ARHGAP15: variants seen among roughly 807,000 people sequenced by gnomAD.
ARHGAP15 encodes Rho GTPase activating protein 15.
Under a neutral mutation model 63.7 loss-of-function variants are expected in ARHGAP15, and 51 were observed. The observed-to-expected ratio is 0.80, with a 90% CI of 0.64 to 1.01. The LOEUF (loss-of-function observed/expected upper bound fraction) is 1.01, where lower values mean the gene tolerates loss of function less well. Among genes scored for constraint, ARHGAP15 ranks in the 50% least tolerant of loss-of-function variants. The pLI is 0.00. For synonymous variants in ARHGAP15, 191 were observed against 193.8 expected (o/e 0.99, Z 0.12); for missense variants, 560 against 564.6 (o/e 0.99, Z 0.08).
intron 4 of ARHGAP15, among the ~76,000 whole-genome samples, chr2:143,223,595 A>C (rs1318755418): frequency 6.6e-6 from 1 of 152,204 alleles, no homozygotes; most frequent in East Asian, 1.9e-4. Flanking sequence ...GGGGTGGAAG[A>C]CAGGGATAAA....
chr2:143,372,175 C>A (rs145130238), intron 6 of ARHGAP15, among the ~76,000 whole-genome samples: 1 of 151,158 alleles, frequency 6.6e-6, no homozygotes, highest in Non-Finnish European at 1.5e-5. Context: ...CCCATCTCTA[C>A]GAAAAATAGA....
At chr2:143,674,580 G>C (rs1307326241) in intron 12 of ARHGAP15, among the ~76,000 whole-genome samples, 2 of 152,058 alleles carry the variant, frequency 1.3e-5, no homozygotes, top group African/African-American at 4.8e-5. Flanking sequence ...AAACTTACAG[G>C]CATACCTCAG....
At chr2:143,528,764 C>A (rs1207004470) in intron 10 of ARHGAP15, among the ~76,000 whole-genome samples, 2 of 152,112 alleles carry the variant, frequency 1.3e-5, no homozygotes, top group African/African-American at 4.8e-5. Context: ...AACAGTTGCA[C>A]ACCTAACAGA....
Position 143,574,664 on chromosome 2 carries a change from C to T in ARHGAP15, c.1003+18179C>T, listed in dbSNP as rs117132210. ...TCCCCAAAGTGTCTCATGCCAGTGG[C>T]AGTAAAAGCATGAAAAAATATAGGG... On this transcript the variant is annotated intron_variant, in intron 11 of 13. Coordinates refer to ENST00000295095, the MANE Select transcript of ARHGAP15 (RefSeq NM_018460.4). 5.3e-5 allele frequency among the ~76,000 whole-genome samples: 8 copies of T among 152,144 alleles called. No homozygotes were observed. The East Asian group carries it at 1.3e-3, about 26-fold the overall frequency.
chr2:143,742,005 A>G (rs1327711155), intron 13 of ARHGAP15, among the ~76,000 whole-genome samples: 1 of 152,246 alleles, frequency 6.6e-6, no homozygotes, highest in Admixed American at 6.5e-5. Flanking sequence ...CCCATTAAAG[A>G]AGGAGCTACA....
At chr2:143,227,337 T>A (rs1574119016) in intron 4 of ARHGAP15, among the ~76,000 whole-genome samples, 1 of 152,180 alleles carries the variant, frequency 6.6e-6, no homozygotes, top group African/African-American at 2.4e-5. Context: ...CAAAGTTCAG[T>A]CATTGACTCA....
intron 10 of ARHGAP15, among the ~76,000 whole-genome samples, chr2:143,538,794 G>A (rs1694901485): frequency 6.6e-6 from 1 of 152,112 alleles, no homozygotes; most frequent in Admixed American, 6.5e-5. Context: ...GTATTTTATT[G>A]AGGATTTTTG....
chr2:143,731,514 G>C (rs1685536464), intron 13 of ARHGAP15, among the ~76,000 whole-genome samples: 1 of 152,150 alleles, frequency 6.6e-6, no homozygotes, highest in Admixed American at 6.5e-5. Context: ...CGTCCCTCCA[G>C]TTCAGGTTCC....
intron 6 of ARHGAP15, among the ~76,000 whole-genome samples, chr2:143,325,950 A>G (rs747657321): frequency 6.6e-6 from 1 of 152,152 alleles, no homozygotes; most frequent in Non-Finnish European, 1.5e-5. Context: ...GCCCACACTG[A>G]TCTTCATGGT....
intron 6 of ARHGAP15, among the ~76,000 whole-genome samples, chr2:143,358,784 T>A (rs1213813959): frequency 2.6e-5 from 4 of 151,940 alleles, no homozygotes; most frequent in Admixed American, 2.6e-4. Flanking sequence ...TGTATGTATA[T>A]GTATGTTTTT....
intron 1 of ARHGAP15, among the ~76,000 whole-genome samples, chr2:143,133,579 T>C (rs904350280): frequency 2.6e-5 from 4 of 152,230 alleles, no homozygotes; most frequent in African/African-American, 9.6e-5. Context: ...TTCAGGTGCC[T>C]GAGGTTCTTA....
At chr2:143,303,271 AG>A (rs1682998076) in intron 6 of ARHGAP15, among the ~76,000 whole-genome samples, 1 of 152,100 alleles carries the variant, frequency 6.6e-6, no homozygotes, top group Non-Finnish European at 1.5e-5. Context: ...CATCTGACAA[AG>A]GATTAATATC....
chr2:143,543,172 G>T (rs1385219803), intron 10 of ARHGAP15, among the ~76,000 whole-genome samples: 1 of 151,774 alleles, frequency 6.6e-6, no homozygotes, highest in African/African-American at 2.4e-5. Flanking sequence ...TAATATAAAA[G>T]GGTTTCCTTT....
At chr2:143,572,385 GCA>G (rs1366162673) in intron 11 of ARHGAP15, among the ~76,000 whole-genome samples, 1 of 151,972 alleles carries the variant, frequency 6.6e-6, no homozygotes, top group African/African-American at 2.4e-5. Context: ...CATACTCTAT[GCA>G]CACAGCCATC....
intron 13 of ARHGAP15, among the ~76,000 whole-genome samples, chr2:143,744,538 G>T (rs953417401): frequency 2.0e-5 from 3 of 152,164 alleles, no homozygotes; most frequent in African/African-American, 7.2e-5. Flanking sequence ...AATCAGGAGT[G>T]TTGTCATATT....
chr2:143,180,733 G>A (rs769860080), intron 2 of ARHGAP15, among the ~76,000 whole-genome samples: 3 of 152,094 alleles, frequency 2.0e-5, no homozygotes, highest in African/African-American at 7.2e-5. Flanking sequence ...GAGTACAGTG[G>A]CGTGATCTCG....
At chr2:143,316,402 C>A (rs1034870614) in intron 6 of ARHGAP15, among the ~76,000 whole-genome samples, 10 of 151,622 alleles carry the variant, frequency 6.6e-5, no homozygotes, top group Non-Finnish European at 1.5e-4. Context: ...GAAGAACTCC[C>A]CAGCACTTGT....
intron 12 of ARHGAP15, chr2:143,648,880 G>C (rs185548023): frequency 6.6e-6 from 1 of 152,004 alleles, no homozygotes; most frequent in East Asian, 1.9e-4. Flanking sequence ...GCCATTCTGG[G>C]AGTGAACAGT....
intron 8 of ARHGAP15, among the ~76,000 whole-genome samples, chr2:143,454,629 G>A (rs1479267031): frequency 1.3e-5 from 2 of 152,070 alleles, no homozygotes; most frequent in African/African-American, 2.4e-5. Flanking sequence ...CAACAAAGAT[G>A]CAAGTTGCAC....
Sources: gnomAD v4.1 joint callset for allele counts (sites outside exome capture counted in the v4.1 genomes callset) on GRCh38, gnomAD v4.1.1 for gene constraint, MANE v1.5 for transcripts, NCBI Gene and HGNC (gene_info 2026-07-23, HGNC 2026-07-21) for gene names.